The following NSD1 variants were observed in gnomAD, a reference collection of about 807,000 sequenced individuals.
The protein encoded by NSD1 is nuclear receptor binding SET domain protein 1, also known as histone-lysine N-methyltransferase, H3 lysine-36 specific.
Under a neutral mutation model 242.7 loss-of-function variants are expected in NSD1, and 26 were observed. That is an observed-to-expected ratio of 0.11 (90% confidence interval 0.08 to 0.15). The LOEUF (loss-of-function observed/expected upper bound fraction) is 0.15, where lower values mean the gene tolerates loss of function less well. Ranked by LOEUF, NSD1 falls within the 10% of genes least tolerant of loss-of-function variation. The pLI, the probability that NSD1 is intolerant of heterozygous loss-of-function variation, is 1.00. For missense variants in NSD1, 2,495 were observed against 3,272.8 expected (o/e 0.76, Z 5.80); for synonymous variants, 1,106 against 1,178.1 (o/e 0.94, Z 1.25).
chr5:177,159,568 G>A (rs938523579), intron 2 of NSD1, among the ~76,000 whole-genome samples: 4 of 147,796 alleles, frequency 2.7e-5, no homozygotes, highest in African/African-American at 1.0e-4. Context: ...ACATGCATGA[G>A]CCACCAAGTC....
intron 17 of NSD1, among the ~76,000 whole-genome samples, chr5:177,278,679 A>G (rs1034854258): frequency 1.3e-5 from 2 of 152,262 alleles, no homozygotes; most frequent in African/African-American, 4.8e-5. Context: ...TTTAAGAGGC[A>G]GCTAGGTGCT....
At chr5:177,260,630 G>A (rs1270220917) in intron 14 of NSD1, among the ~76,000 whole-genome samples, 1 of 152,102 alleles carries the variant, frequency 6.6e-6, no homozygotes, top group Non-Finnish European at 1.5e-5. Flanking sequence ...TTACAGGGGT[G>A]AGCCACTGTG....
rs61744451 is a variant in NSD1 at position 177,210,210 on chromosome 5, G to T, written c.1811G>T (p.Arg604Leu). The change falls in exon 5 of 23, where the codon CGA becomes CTA. Residue 604 changes from arginine to leucine, a missense_variant. Around this residue, in one of 19 missense-constraint regions of NSD1, gnomAD observed 515 missense variants for 467.0 expected, o/e 1.10. Transcript: ENST00000439151. ...GGTGCTTTGATCTCAAAGTGTTCTC[G>T]AGAGAAGAATAAACCCCAACGAAGC... ...PEGALISKCSREKNKPQRSLV... is the reference protein window; with the variant it reads ...PEGALISKCSLEKNKPQRSLV... The T allele has an allele frequency of 1.0e-3, 1,642 of 1,596,372 alleles. 15 individuals carry two copies. In the African/African-American group the frequency reaches 0.02, roughly 19 times the overall value.
At chr5:177,235,757 C>T (rs991873320) in intron 5 of NSD1, 64 bp from the exon 6 acceptor site, 1 of 1,609,586 alleles carries the variant, frequency 6.2e-7, no homozygotes, top group Non-Finnish European at 8.5e-7. Flanking sequence ...CAGATGGTCT[C>T]ATAAAAACAG....
chr5:177,285,857 A>T (rs551104568), intron 20 of NSD1, among the ~76,000 whole-genome samples: 1 of 152,064 alleles, frequency 6.6e-6, no homozygotes, highest in Non-Finnish European at 1.5e-5. Flanking sequence ...AATTAGAATG[A>T]TATTTGTTCA....
Position 177,269,157 on chromosome 5 carries a change from C to T in NSD1, c.5304-445C>T, listed in dbSNP as rs1757754745. Among the ~76,000 whole-genome samples the T allele has an allele frequency of 6.6e-6, 1 of 152,064 alleles. No homozygotes were observed. Among genetic ancestry groups the T allele is most frequent in the Non-Finnish European group, 1.5e-5 (1 of 68,016 alleles). ...TGTGTTTTGATTTCTTGGTGCTGTT[C>T]TCCCATATTCCTACTAATTATTGAA... On this transcript the variant is annotated intron_variant, in intron 15 of 22. Coordinates refer to ENST00000439151, the MANE Select transcript of NSD1 (RefSeq NM_022455.5). The surrounding 1 kb of genome is among the most constrained non-coding windows in gnomAD (Gnocchi z 5.1).
chr5:177,202,170 G>GA (rs199735386), intron 3 of NSD1, among the ~76,000 whole-genome samples: 2,085 of 140,744 alleles, frequency 0.015, 48 homozygotes, highest in African/African-American at 0.048. Flanking sequence ...CTCCGTCTCA[G>GA]AAAAAAAAAA....
chr5:177,196,639 A>G (rs1762121821), intron 3 of NSD1, among the ~76,000 whole-genome samples: 1 of 152,228 alleles, frequency 6.6e-6, no homozygotes, highest in Non-Finnish European at 1.5e-5. Context: ...TAACTCAGAA[A>G]GGACATATTC....
rs1674166575 is a variant in NSD1, at chr5:177,299,607, A to G, written c.*4148A>G. The G allele has an allele frequency of 8.6e-6, 2 of 233,232 alleles. No homozygotes were observed. Among genetic ancestry groups the G allele is most frequent in the African/African-American group, 4.4e-5 (2 of 45,362 alleles). The allele number at this position is 233,232 out of a possible 1,614,324, so 14.4% of individuals were successfully genotyped here. A position where few individuals can be genotyped will look rare whatever the true frequency, so the allele number is the denominator to read the frequency against. ...GGTAGTATTTTCTAAGGAAGTGGAA[A>G]GAATTAAACTAGAAATCCACAACCT... On this transcript the variant is annotated 3_prime_UTR_variant, in exon 23 of 23. Transcript: ENST00000439151.
intron 5 of NSD1, among the ~76,000 whole-genome samples, chr5:177,231,833 C>T (rs1765082080): frequency 6.6e-6 from 1 of 152,000 alleles, no homozygotes; most frequent in South Asian, 2.1e-4. Flanking sequence ...TATTCTCCTG[C>T]CTTTTGCATA....
At chr5:177,281,624 A>G (rs1270710217) in intron 18 of NSD1, among the ~76,000 whole-genome samples, 1 of 152,036 alleles carries the variant, frequency 6.6e-6, no homozygotes, top group Non-Finnish European at 1.5e-5. Context: ...AAGGAACTGA[A>G]ACTAGTTTGT....
At chr5:177,209,108 C>T (rs932706351) in intron 4 of NSD1, among the ~76,000 whole-genome samples, 1 of 152,086 alleles carries the variant, frequency 6.6e-6, no homozygotes, top group African/African-American at 2.4e-5. Flanking sequence ...ACTCTAATGA[C>T]ATAATCTTAT....
At chr5:177,151,737 G>A (rs931248626) in intron 2 of NSD1, among the ~76,000 whole-genome samples, 1 of 151,362 alleles carries the variant, frequency 6.6e-6, no homozygotes, top group Non-Finnish European at 1.5e-5. Context: ...TGTTGGCTAG[G>A]CTGGAGTGCA....
intron 3 of NSD1, among the ~76,000 whole-genome samples, chr5:177,203,580 G>A (rs950141281): frequency 6.6e-6 from 1 of 152,150 alleles, no homozygotes; most frequent in Admixed American, 6.6e-5. Context: ...GTGTGGTTGT[G>A]GGGAGGAATC....
intron 2 of NSD1, among the ~76,000 whole-genome samples, chr5:177,160,948 T>A (rs1758699448): frequency 6.6e-6 from 1 of 152,002 alleles, no homozygotes. Flanking sequence ...TTTGTGTTTT[T>A]AGTAGAGATG....
chr5:177,262,879 A>G (rs1270157387), intron 14 of NSD1, among the ~76,000 whole-genome samples: 1 of 152,246 alleles, frequency 6.6e-6, no homozygotes, highest in Non-Finnish European at 1.5e-5. Context: ...CCCTATGCTC[A>G]TCTGAGACAA....
At chr5:177,199,579 A>G (rs972593587) in intron 3 of NSD1, among the ~76,000 whole-genome samples, 1 of 127,728 alleles carries the variant, frequency 7.8e-6, no homozygotes, top group East Asian at 2.0e-4. Flanking sequence ...TCAACTTAAT[A>G]TTTTCTTTTC....
rs1756141804 is a variant in NSD1 at position 177,134,562 on chromosome 5, C to T, written c.-17-525C>T. Among the ~76,000 whole-genome samples the T allele has an allele frequency of 6.6e-6, 1 of 152,164 alleles. No homozygotes were observed. Among genetic ancestry groups the T allele is most frequent in the East Asian group, 1.9e-4 (1 of 5,164 alleles). Reference sequence around the variant, plus strand: ...TCTGGGGTGCAGCCGCCTCGGCCGGCTCGCCTGCGGCCTGCGCACCGCCGC... The same window carrying T: ...TCTGGGGTGCAGCCGCCTCGGCCGGTTCGCCTGCGGCCTGCGCACCGCCGC... On this transcript the variant is annotated intron_variant, in intron 1 of 22. Transcript: ENST00000439151. The surrounding 1 kb of genome is among the most constrained non-coding windows in gnomAD (Gnocchi z 4.2).
rs1201412365 is a variant in NSD1 at position 177,210,444 on chromosome 5, A to G, written c.2045A>G (p.Glu682Gly). ...AACATGTTATCTATGCAGAAAAATG[A>G]AAAGATAAAGTATTCTAGGTTTGCT... The part of the protein sequence containing the change: ...TENMLSMQKN[E>G]KIKYSRFAAT... Residue 682 changes from glutamate to glycine, a missense_variant, in exon 5 of 23, where the codon GAA becomes GGA. Glu to Gly is a moderately conservative substitution (Grantham distance 98, BLOSUM62 -2). Transcript: ENST00000439151. 1.8e-5 allele frequency: 29 copies of G among 1,614,090 alleles called. No individual in the cohort carries two copies. The highest frequency in any genetic ancestry group is 2.2e-5 in the Non-Finnish European group (26 of 1,180,040).
Sources: gnomAD v4.1 joint callset for allele counts (sites outside exome capture counted in the v4.1 genomes callset) on GRCh38, gnomAD v4.1.1 for gene constraint, gnomAD v4.1.1 regional missense constraint, Gnocchi (gnomAD v3.1) non-coding constraint, MANE v1.5 for transcripts, NCBI Gene and HGNC (gene_info 2026-07-23, HGNC 2026-07-21) for gene names.